Variants in SYNJ2 observed in about 807,000 individuals in gnomAD.
The protein encoded by SYNJ2 is synaptojanin 2.
In SYNJ2, 116 loss-of-function variants were observed where a neutral mutation model predicts 141.3. That is an observed-to-expected ratio of 0.82 (90% CI 0.71 to 0.96). The LOEUF (loss-of-function observed/expected upper bound fraction) is 0.96. Ranked by LOEUF, SYNJ2 falls within the 40% of genes least tolerant of loss-of-function variation. The pLI is 0.00. For missense variants in SYNJ2, 1,873 were observed against 1,934.8 expected (o/e 0.97, Z 0.60); for synonymous variants, 745 against 777.7 (o/e 0.96, Z 0.70).
At chr6:158,073,856 C>G (rs1430587167) in intron 15 of SYNJ2, among the ~76,000 whole-genome samples, 1 of 151,446 alleles carries the variant, frequency 6.6e-6, no homozygotes, top group African/African-American at 2.4e-5. Context: ...CTGTATCATG[C>G]ACTAGCTGTG....
At chr6:158,047,773 TCAAAAAAAAAAAAAA>T (rs1780323475) in intron 5 of SYNJ2, among the ~76,000 whole-genome samples, 1 of 17,240 alleles carries the variant, frequency 5.8e-5, no homozygotes, top group Admixed American at 7.2e-4. Context: ...TGCGACTCTG[TCAAAAAAAAAAAAAA>T]AAAAAAAAAA....
intron 25 of SYNJ2, among the ~76,000 whole-genome samples, chr6:158,091,326 AAAAG>A (rs990795044): frequency 2.6e-5 from 4 of 151,918 alleles, no homozygotes; most frequent in Non-Finnish European, 5.9e-5. Context: ...AAAAAAAGAA[AAAAG>A]AAAGAAAGAA....
chr6:157,984,341 A>G (rs1252436981), intron 1 of SYNJ2, among the ~76,000 whole-genome samples: 1 of 152,172 alleles, frequency 6.6e-6, no homozygotes, highest in Non-Finnish European at 1.5e-5. Flanking sequence ...TGAAATTCCC[A>G]TCTGTGTTCC....
intron 8 of SYNJ2, 99 bp downstream of exon 8, chr6:158,062,263 G>T: frequency 1.3e-6 from 2 of 1,541,796 alleles, no homozygotes; most frequent in South Asian, 2.5e-5. Context: ...GGGTGAGGCG[G>T]CAGAGGGGCC....
chr6:158,047,799 A>AAAAAAAAAC (rs1562355896), intron 5 of SYNJ2, among the ~76,000 whole-genome samples: 2 of 149,804 alleles, frequency 1.3e-5, no homozygotes, highest in African/African-American at 4.9e-5. Flanking sequence ...AAAAAAAAAA[A>AAAAAAAAAC]AAAAAACACA....
intron 3 of SYNJ2, among the ~76,000 whole-genome samples, chr6:158,029,716 G>A (rs1779264079): frequency 6.6e-6 from 1 of 152,184 alleles, no homozygotes; most frequent in Admixed American, 6.5e-5. Flanking sequence ...GTTACCTCCA[G>A]TGTGCAGCCG....
chr6:158,021,952 C>G (rs185560300), intron 2 of SYNJ2, among the ~76,000 whole-genome samples: 1 of 152,136 alleles, frequency 6.6e-6, no homozygotes, highest in Non-Finnish European at 1.5e-5. Flanking sequence ...AGGTTCCCAG[C>G]GTGGAGCTGA....
chr6:158,062,550 C>T (rs1020940439), intron 8 of SYNJ2, among the ~76,000 whole-genome samples: 10 of 152,048 alleles, frequency 6.6e-5, no homozygotes, highest in East Asian at 1.9e-4. Context: ...GCCACAGTCG[C>T]GGTGGGATGG....
chr6:158,018,097 G>C (rs1778566812), intron 2 of SYNJ2, among the ~76,000 whole-genome samples: 2 of 152,188 alleles, frequency 1.3e-5, no homozygotes, highest in South Asian at 4.1e-4. Flanking sequence ...GGGTGGGAGG[G>C]AGAGGAAGGG....
At chr6:158,020,329 TCTAA>T (rs1488021330) in intron 2 of SYNJ2, among the ~76,000 whole-genome samples, 9 of 150,786 alleles carry the variant, frequency 6.0e-5, no homozygotes, top group Admixed American at 2.0e-4. Context: ...GTGGACTGAC[TCTAA>T]CTATGTGACT....
In SYNJ2 at chr6:158,071,322, G is replaced by A. The variant is rs350293; in HGVS notation, c.1941-280G>A. Among the ~76,000 whole-genome samples, 74,509 of 152,084 alleles carry A rather than the reference G, an allele frequency of 0.49. 18,569 individuals carry two copies. The highest frequency in any genetic ancestry group is 0.56 in the African/African-American group (23,369 of 41,478). ...TCCTGGTGGCAGTGAGAACCTGGGC[G>A]GATGCAGGCATTGCCCTGTCTTCGG... is the stretch of plus-strand genomic sequence containing the variant. On this transcript the variant is annotated intron_variant, in intron 14 of 26. Transcript: ENST00000355585. The surrounding 1 kb of genome is among the most constrained non-coding windows in gnomAD (Gnocchi z 4.3).
chr6:157,997,010 G>A (rs572632173), intron 1 of SYNJ2, among the ~76,000 whole-genome samples: 23 of 150,560 alleles, frequency 1.5e-4, no homozygotes, highest in Non-Finnish European at 2.1e-4. Flanking sequence ...TGCTGCCTCC[G>A]TCTCCCCACC....
chr6:158,058,025 A>G (rs1309750951), intron 6 of SYNJ2, among the ~76,000 whole-genome samples: 1 of 152,242 alleles, frequency 6.6e-6, no homozygotes, highest in Non-Finnish European at 1.5e-5. Flanking sequence ...ACTGTCCCTT[A>G]AAGTTAGTAA....
At chr6:157,986,177 A>C (rs1026905322) in intron 1 of SYNJ2, among the ~76,000 whole-genome samples, 1 of 152,216 alleles carries the variant, frequency 6.6e-6, no homozygotes, top group Admixed American at 6.5e-5. Context: ...AGGTAGGACC[A>C]GGCAAGGGTT....
At position 157,982,162 on chromosome 6, in the gene SYNJ2, A is replaced by G; in HGVS notation, c.127+74A>G. The stretch of plus-strand genomic sequence containing the variant: ...TTCGCCCAGCCTCGGGAAGACGGGT[A>G]CCCCCCCTTCCCGAGGGGATCGGGC... On this transcript the variant is annotated intron_variant, in intron 1 of 26. Transcript: ENST00000355585. This position sits in a 1 kb window ranked among gnomAD's most constrained non-coding sequence, Gnocchi z 4.0. 1 of 1,255,290 alleles carries G rather than the reference A, an allele frequency of 8.0e-7. No homozygotes were observed. 77.8% of individuals were successfully genotyped at this position (1,255,290 alleles called of 1,614,324 possible).
intron 1 of SYNJ2, among the ~76,000 whole-genome samples, chr6:157,989,530 T>G (rs1777335568): frequency 6.7e-6 from 1 of 149,598 alleles, no homozygotes; most frequent in East Asian, 2.0e-4. Flanking sequence ...GACATACACT[T>G]TTGATCGAGG....
chr6:158,092,500 C>T (rs1451604902), intron 25 of SYNJ2, among the ~76,000 whole-genome samples: 3 of 152,136 alleles, frequency 2.0e-5, no homozygotes, highest in Admixed American at 6.5e-5. Flanking sequence ...ATTAGCTGGG[C>T]GTGGTGGTTC....
chr6:158,073,177 A>G (rs1782047797), intron 15 of SYNJ2, among the ~76,000 whole-genome samples: 1 of 151,700 alleles, frequency 6.6e-6, no homozygotes, highest in Admixed American at 6.6e-5. Flanking sequence ...ATATTGAGGG[A>G]CCTATTAACA....
rs1351435514 is a variant in SYNJ2 at position 157,982,354 on chromosome 6, G to T, written c.127+266G>T. ...CGCGCCGCCAGAGGATATGGTTGCT[G>T]GATAGCCGGCTGGGGCGCTTTGCGT... is the stretch of plus-strand genomic sequence containing the variant. On this transcript the variant is annotated intron_variant, in intron 1 of 26. Transcript: ENST00000355585. This position sits in a 1 kb window ranked among gnomAD's most constrained non-coding sequence, Gnocchi z 4.0. 6.6e-6 allele frequency among the ~76,000 whole-genome samples: 1 copy of T among 152,234 alleles called. No homozygotes were observed. Among genetic ancestry groups the T allele is most frequent in the African/African-American group, 2.4e-5 (1 of 41,464 alleles).
Sources: allele counts gnomAD v4.1 joint callset (sites outside exome capture counted in the v4.1 genomes callset), GRCh38; gene constraint gnomAD v4.1.1; non-coding constraint Gnocchi (gnomAD v3.1); transcripts MANE v1.5; gene names NCBI Gene and HGNC (gene_info 2026-07-23, HGNC 2026-07-21).